ZCCHC17: variants seen among roughly 807,000 people sequenced by gnomAD.
The protein encoded by ZCCHC17 is zinc finger CCHC-type containing 17.
Under a neutral mutation model 30.6 loss-of-function variants are expected in ZCCHC17, and 18 were observed. That is an observed-to-expected ratio of 0.59 (90% CI 0.41 to 0.87). ZCCHC17 has a LOEUF of 0.87. ZCCHC17 is among the 40% of genes least tolerant of loss of function. The pLI is 0.00. For synonymous variants in ZCCHC17, 88 were observed against 92.4 expected (o/e 0.95, Z 0.27); for missense variants, 263 against 284.2 (o/e 0.93, Z 0.54).
At chr1:31,359,804 T>G (rs1419372573) in intron 7 of ZCCHC17, among the ~76,000 whole-genome samples, 2 of 152,162 alleles carry the variant, frequency 1.3e-5, no homozygotes, top group Non-Finnish European at 1.5e-5. Flanking sequence ...ATTTAAAAAC[T>G]GTTTTATGTT....
intron 2 of ZCCHC17, among the ~76,000 whole-genome samples, chr1:31,315,827 G>C (rs1345604906): frequency 6.6e-6 from 1 of 152,182 alleles, no homozygotes; most frequent in South Asian, 2.1e-4. Context: ...GGCAGACTGC[G>C]TGATCATCTA....
intron 5 of ZCCHC17, among the ~76,000 whole-genome samples, chr1:31,345,813 A>G (rs1639248339): frequency 6.6e-6 from 1 of 151,408 alleles, no homozygotes; most frequent in Non-Finnish European, 1.5e-5. Flanking sequence ...TTAAACCATC[A>G]GATCTCATGA....
intron 3 of ZCCHC17, among the ~76,000 whole-genome samples, chr1:31,332,869 G>A (rs536665080): frequency 3.3e-5 from 5 of 152,150 alleles, no homozygotes; most frequent in African/African-American, 9.6e-5. Flanking sequence ...TGATCCACCC[G>A]GCTCAGCCTC....
intron 3 of ZCCHC17, among the ~76,000 whole-genome samples, chr1:31,331,959 CA>C (rs1263171871): frequency 6.6e-6 from 1 of 151,802 alleles, no homozygotes; most frequent in East Asian, 1.9e-4. Flanking sequence ...CCTTCATGGA[CA>C]AAAAAAGTAT....
At chr1:31,336,475 A>T (rs1638822260) in intron 3 of ZCCHC17, among the ~76,000 whole-genome samples, 1 of 152,220 alleles carries the variant, frequency 6.6e-6, no homozygotes. Context: ...CTTTACTAAT[A>T]TGGAGCATTA....
Position 31,323,391 on chromosome 1 carries a change from G to A in ZCCHC17, c.124+4225G>A, listed in dbSNP as rs570711783. Among the ~76,000 whole-genome samples, 14 of 151,590 alleles carry A rather than the reference G, an allele frequency of 9.2e-5. No individual in the cohort carries two copies. The South Asian group carries it at 1.5e-3, about 16-fold the overall frequency. On this transcript the variant is annotated intron_variant, in intron 3 of 7. Coordinates refer to ENST00000344147, the MANE Select transcript of ZCCHC17 (RefSeq NM_016505.4). ...GGCTGGAGTGCAGTGGCACAATCTC[G>A]GCTTACTGCAAGCTCCACCTCCTGG...
At chr1:31,360,235 T>G (rs1639822306) in intron 7 of ZCCHC17, among the ~76,000 whole-genome samples, 1 of 151,126 alleles carries the variant, frequency 6.6e-6, no homozygotes. Context: ...AGTGGCGCGA[T>G]CTTGGCTCAC....
chr1:31,354,435 G>A (rs897060904), intron 7 of ZCCHC17, among the ~76,000 whole-genome samples: 6 of 151,710 alleles, frequency 4.0e-5, no homozygotes, highest in African/African-American at 1.5e-4. Context: ...GCAGAGTCTT[G>A]CTGTATCACC....
At chr1:31,303,452 A>G (rs766125063) in intron 1 of ZCCHC17, among the ~76,000 whole-genome samples, 1 of 152,256 alleles carries the variant, frequency 6.6e-6, no homozygotes, top group Non-Finnish European at 1.5e-5. Context: ...TCAAGTAACA[A>G]AAAAATCTAA....
At position 31,349,106 on chromosome 1, in the gene ZCCHC17, G is replaced by A. The variant is rs920016424; in HGVS notation, c.564+132G>A. 4 of 1,109,674 alleles carry A rather than the reference G, an allele frequency of 3.6e-6. No individual in the cohort carries two copies. The African/African-American group carries it at 6.4e-5, about 18-fold the overall frequency. The allele number at this position is 1,109,674 out of a possible 1,614,324, so 68.7% of individuals were successfully genotyped here. On this transcript the variant is annotated intron_variant, in intron 7 of 7. Transcript: ENST00000344147. ...AGGATAAGGTGGGAGGATTGCTCGA[G>A]GCCAGAAGTTTAAGGCTGCGGTGCG...
chr1:31,355,529 G>A (rs1025758357), intron 7 of ZCCHC17, among the ~76,000 whole-genome samples: 14 of 152,170 alleles, frequency 9.2e-5, no homozygotes, highest in African/African-American at 3.4e-4. Context: ...GTAACTCACC[G>A]GAAGTCACAC....
At position 31,338,829 on chromosome 1, in the gene ZCCHC17, T is replaced by A. The variant is rs948674481; in HGVS notation, c.226-128T>A. 7 of 594,848 alleles carry A rather than the reference T, an allele frequency of 1.2e-5. No individual in the cohort carries two copies. In the Admixed American group the frequency reaches 1.3e-4, roughly 11 times the overall value. 36.8% of individuals were successfully genotyped at this position (594,848 alleles called of 1,614,324 possible). A position where few individuals can be genotyped will look rare whatever the true frequency, so the allele number is the denominator to read the frequency against. Reference sequence around the variant, plus strand: ...GTTATGCTTATTTGTATCTGCAATGTTCCTAGCACAGTACCTGGTCCATTA... The same window carrying A: ...GTTATGCTTATTTGTATCTGCAATGATCCTAGCACAGTACCTGGTCCATTA... On this transcript the variant is annotated intron_variant, in intron 4 of 7. Transcript: ENST00000344147.
intron 3 of ZCCHC17, among the ~76,000 whole-genome samples, chr1:31,336,360 G>A (rs1326610675): frequency 1.3e-5 from 2 of 152,046 alleles, no homozygotes; most frequent in Admixed American, 6.6e-5. Flanking sequence ...TTCTATTGAT[G>A]ATATTCTTGC....
intron 3 of ZCCHC17, among the ~76,000 whole-genome samples, chr1:31,321,491 T>C (rs1646859899): frequency 6.6e-6 from 1 of 152,258 alleles, no homozygotes. Context: ...TTTTCTTTTT[T>C]TGAGACAGAG....
intron 3 of ZCCHC17, among the ~76,000 whole-genome samples, chr1:31,329,663 C>T (rs1049656425): frequency 1.3e-5 from 2 of 152,020 alleles, no homozygotes; most frequent in East Asian, 1.9e-4. Context: ...AATTGTGGAA[C>T]GGTTAGGCTG....
At chr1:31,332,912 G>A (rs535657110) in intron 3 of ZCCHC17, among the ~76,000 whole-genome samples, 3 of 152,178 alleles carry the variant, frequency 2.0e-5, no homozygotes, top group South Asian at 2.1e-4. Context: ...ATGAGCCACC[G>A]CGCTTGGCCA....
At chr1:31,324,086 C>T (rs1416506554) in intron 3 of ZCCHC17, among the ~76,000 whole-genome samples, 1 of 152,152 alleles carries the variant, frequency 6.6e-6, no homozygotes, top group Non-Finnish European at 1.5e-5. Flanking sequence ...TGTAAAACAT[C>T]ATTGATTATG....
intron 1 of ZCCHC17, among the ~76,000 whole-genome samples, chr1:31,307,081 C>A (rs1330002239): frequency 6.6e-6 from 1 of 151,936 alleles, no homozygotes; most frequent in African/African-American, 2.4e-5. Flanking sequence ...TGTGATCCAC[C>A]CGCCTTGGCC....
chr1:31,304,177 A>G (rs1646387552), intron 1 of ZCCHC17, among the ~76,000 whole-genome samples: 1 of 152,206 alleles, frequency 6.6e-6, no homozygotes, highest in Non-Finnish European at 1.5e-5. Context: ...GCAACTCCAA[A>G]TGGTGTACCT....
Sources: gnomAD v4.1 joint callset for allele counts (sites outside exome capture counted in the v4.1 genomes callset) on GRCh38, gnomAD v4.1.1 for gene constraint, MANE v1.5 for transcripts, NCBI Gene and HGNC (gene_info 2026-07-23, HGNC 2026-07-21) for gene names.